The following PHF20 variants were observed in gnomAD, a reference collection of about 807,000 sequenced individuals.
The protein encoded by PHF20 is glioma-expressed antigen 2.
A neutral mutation model predicts 113.5 loss-of-function variants in PHF20; 23 were observed. The observed-to-expected ratio is 0.20, with a 90% CI of 0.15 to 0.29. The LOEUF is 0.29. Ranked by LOEUF, PHF20 falls within the 10% of genes least tolerant of loss-of-function variation. The pLI is 1.00. For missense variants in PHF20, 943 were observed against 1,219.6 expected (o/e 0.77, Z 3.38); for synonymous variants, 434 against 457.3 (o/e 0.95, Z 0.65).
At chr20:35,776,101 G>T (rs2041169953) in intron 1 of PHF20, among the ~76,000 whole-genome samples, 1 of 152,204 alleles carries the variant, frequency 6.6e-6, no homozygotes, top group Non-Finnish European at 1.5e-5. Context: ...GAGCTGCCAT[G>T]CCTGGCTATT....
chr20:35,797,397 A>C (rs1171931385), intron 1 of PHF20, among the ~76,000 whole-genome samples: 2 of 151,140 alleles, frequency 1.3e-5, no homozygotes, highest in African/African-American at 4.8e-5. Flanking sequence ...GCCTGTAATC[A>C]CAGCTACTCA....
chr20:35,869,257 G>C (rs1306320244), intron 6 of PHF20, among the ~76,000 whole-genome samples, 181 bp from the exon 7 acceptor site: 4 of 152,110 alleles, frequency 2.6e-5, no homozygotes, highest in African/African-American at 9.7e-5. Context: ...CTGTAAGGAA[G>C]TAATTTCTCA....
intron 1 of PHF20, among the ~76,000 whole-genome samples, chr20:35,794,223 C>T (rs1236921485): frequency 6.6e-6 from 1 of 150,414 alleles, no homozygotes; most frequent in African/African-American, 2.5e-5. Context: ...TCTCTTGAAC[C>T]TGGGAGATGG....
intron 1 of PHF20, among the ~76,000 whole-genome samples, chr20:35,775,924 C>T (rs1029186353): frequency 1.3e-5 from 2 of 151,786 alleles, no homozygotes; most frequent in African/African-American, 4.8e-5. Context: ...GCGATCCTCC[C>T]CTCAGCCTCT....
At chr20:35,802,755 T>C (rs913929538) in intron 2 of PHF20, among the ~76,000 whole-genome samples, 3 of 149,156 alleles carry the variant, frequency 2.0e-5, no homozygotes, top group African/African-American at 7.4e-5. Flanking sequence ...CTGGCTAAAG[T>C]GGCGAAACCC....
At chr20:35,857,983 C>G (rs759282678) in intron 4 of PHF20, among the ~76,000 whole-genome samples, 8 of 152,178 alleles carry the variant, frequency 5.3e-5, no homozygotes, top group Non-Finnish European at 1.2e-4. Flanking sequence ...GCATTTTACT[C>G]ACTTTCTTAA....
At chr20:35,932,462 G>A (rs868332051) in intron 15 of PHF20, among the ~76,000 whole-genome samples, 39 of 111,524 alleles carry the variant, frequency 3.5e-4, no homozygotes, top group Admixed American at 2.3e-3. Context: ...ACAGAGTCTC[G>A]CTCTGTCGCC....
intron 9 of PHF20, among the ~76,000 whole-genome samples, chr20:35,882,548 C>T (rs2054654113): frequency 6.6e-6 from 1 of 152,234 alleles, no homozygotes; most frequent in Non-Finnish European, 1.5e-5. Flanking sequence ...CCACCTCAGC[C>T]TGCTGAGTAG....
At chr20:35,904,643 G>A (rs186592729) in intron 10 of PHF20, among the ~76,000 whole-genome samples, 97 of 152,066 alleles carry the variant, frequency 6.4e-4, no homozygotes, top group African/African-American at 2.1e-3. Context: ...TCAATATCTG[G>A]GTTGGTAAGG....
At chr20:35,851,242 C>G (rs186492562) in intron 4 of PHF20, among the ~76,000 whole-genome samples, 4 of 152,216 alleles carry the variant, frequency 2.6e-5, no homozygotes, top group Admixed American at 2.6e-4. Context: ...CTTGAATGAG[C>G]AGGTAAATCA....
At chr20:35,891,961 C>T (rs1366212933) in intron 9 of PHF20, among the ~76,000 whole-genome samples, 1 of 152,044 alleles carries the variant, frequency 6.6e-6, no homozygotes, top group African/African-American at 2.4e-5. Flanking sequence ...CCTCCGCCTA[C>T]CGGGTTCAAG....
intron 1 of PHF20, among the ~76,000 whole-genome samples, chr20:35,787,957 T>C (rs2041457279): frequency 6.6e-6 from 1 of 151,766 alleles, no homozygotes; most frequent in African/African-American, 2.4e-5. Flanking sequence ...TCTGTGTTTT[T>C]AGTAGAGTCA....
intron 1 of PHF20, among the ~76,000 whole-genome samples, chr20:35,772,834 C>G (rs894267125): frequency 6.6e-6 from 1 of 152,134 alleles, no homozygotes; most frequent in African/African-American, 2.4e-5. Context: ...TCTTGTATCC[C>G]CTCTACTCCA....
intron 1 of PHF20, among the ~76,000 whole-genome samples, chr20:35,795,341 TCTTCTGCCTC>T (rs2041645985): frequency 6.6e-6 from 1 of 152,022 alleles, no homozygotes; most frequent in Non-Finnish European, 1.5e-5. Context: ...TTCAAGCAAT[TCTTCTGCCTC>T]ACCCTCCTGA....
intron 9 of PHF20, among the ~76,000 whole-genome samples, chr20:35,877,751 A>G (rs577036662): frequency 1.4e-4 from 22 of 152,250 alleles, no homozygotes; most frequent in African/African-American, 4.1e-4. Flanking sequence ...GAAGCACAGA[A>G]TAAACAAGAG....
At chr20:35,931,047 A>T (rs1352532669) in intron 14 of PHF20, among the ~76,000 whole-genome samples, 1 of 152,214 alleles carries the variant, frequency 6.6e-6, no homozygotes, top group African/African-American at 2.4e-5. Context: ...TACATGCCTT[A>T]TTCACTACCT....
At chr20:35,862,902 C>A in intron 5 of PHF20, 111 bp from the exon 6 acceptor site, 1 of 1,030,200 alleles carries the variant, frequency 9.7e-7, no homozygotes, top group Non-Finnish European at 1.4e-6. Flanking sequence ...TGTGATCTGG[C>A]GTATGTCTTG....
chr20:35,783,417 A>T (rs1255238674), intron 1 of PHF20, among the ~76,000 whole-genome samples: 4 of 150,530 alleles, frequency 2.7e-5, no homozygotes, highest in Non-Finnish European at 4.4e-5. Flanking sequence ...AAAGACTCTT[A>T]CTTTTTTTTT....
intron 2 of PHF20, among the ~76,000 whole-genome samples, chr20:35,840,190 A>G (rs1276732638): frequency 6.6e-6 from 1 of 152,230 alleles, no homozygotes; most frequent in Non-Finnish European, 1.5e-5. Flanking sequence ...TTCAGTCTAG[A>G]ATAGCTATTT....
Sources: gnomAD v4.1 joint callset for allele counts (sites outside exome capture counted in the v4.1 genomes callset) on GRCh38, gnomAD v4.1.1 for gene constraint, MANE v1.5 for transcripts, NCBI Gene and HGNC (gene_info 2026-07-23, HGNC 2026-07-21) for gene names.